USP33: variants seen among roughly 807,000 people sequenced by gnomAD.
USP33 encodes the protein ubiquitin specific peptidase 33.
Under a neutral mutation model 124.2 loss-of-function variants are expected in USP33, and 46 were observed. That is an observed-to-expected ratio of 0.37 (90% confidence interval 0.29 to 0.47). The LOEUF (loss-of-function observed/expected upper bound fraction) is 0.47. Among genes scored for constraint, USP33 ranks in the 20% least tolerant of loss-of-function variants. The pLI is 0.99. For missense variants in USP33, 851 were observed against 1,070.6 expected (o/e 0.79, Z 2.86); for synonymous variants, 350 against 352.3 (o/e 0.99, Z 0.07).
chr1:77,756,583 A>G (rs1240664011), intron 1 of USP33, among the ~76,000 whole-genome samples: 1 of 152,220 alleles, frequency 6.6e-6, no homozygotes, highest in Non-Finnish European at 1.5e-5. Context: ...GGCAATCTTT[A>G]TCAGTGAGGA....
chr1:77,701,093 C>T (rs540881796), intron 22 of USP33, among the ~76,000 whole-genome samples: 12 of 152,130 alleles, frequency 7.9e-5, no homozygotes, highest in Non-Finnish European at 1.2e-4. Flanking sequence ...TTTAAGCAAC[C>T]TCTTATTCCT....
At chr1:77,717,551 A>C (rs1676064539) in intron 17 of USP33, 2 of 167,586 alleles carry the variant, frequency 1.2e-5, no homozygotes, top group Non-Finnish European at 2.5e-5. Context: ...CAATATTGGA[A>C]ACATCATAGT....
At chr1:77,756,596 G>A (rs1244084588) in intron 1 of USP33, among the ~76,000 whole-genome samples, 1 of 152,156 alleles carries the variant, frequency 6.6e-6, no homozygotes, top group Admixed American at 6.6e-5. Context: ...AGTGAGGATT[G>A]ACTGTAGATG....
At chr1:77,699,718 T>C (rs1673791487) in intron 22 of USP33, among the ~76,000 whole-genome samples, 1 of 152,168 alleles carries the variant, frequency 6.6e-6, no homozygotes, top group African/African-American at 2.4e-5. Flanking sequence ...ACACAATTCA[T>C]TCTATTATAA....
At chr1:77,741,552 A>T in intron 2 of USP33, 65 bp downstream of exon 2, 1 of 1,541,968 alleles carries the variant, frequency 6.5e-7, no homozygotes, top group Admixed American at 2.1e-5. Context: ...ACAGTAATTT[A>T]TGAAAATTAC....
intron 21 of USP33, among the ~76,000 whole-genome samples, chr1:77,707,633 C>T (rs548218780): frequency 6.6e-5 from 10 of 152,278 alleles, no homozygotes; most frequent in Admixed American, 2.0e-4. Context: ...AAATTTAATA[C>T]AGACAAGACT....
Position 77,729,877 on chromosome 1 carries a change from G to A in USP33, c.700C>T (p.Arg234Trp), listed in dbSNP as rs756513586. 16 of 1,613,586 alleles carry A rather than the reference G, an allele frequency of 9.9e-6. No homozygotes were observed. The highest frequency in any genetic ancestry group is 4.5e-5 in the East Asian group (2 of 44,822). The change falls in exon 9 of 24, where the codon CGG becomes TGG. Residue 234 changes from arginine to tryptophan, a missense_variant. This residue lies in a region of USP33 where 221 missense variants were observed against 302.9 expected (regional missense o/e 0.73). Transcript: ENST00000370794. ...QGIKTVNPTFRGYSQQDAQEF... is the reference protein window; with the variant it reads ...QGIKTVNPTFWGYSQQDAQEF... Reference sequence around the variant, plus strand: ...AAACTAACCTGCTGAGAATACCCCCGAAATGTTGGATTTACAGTTTTAATT... The same window carrying A: ...AAACTAACCTGCTGAGAATACCCCCAAAATGTTGGATTTACAGTTTTAATT...
At chr1:77,711,878 A>G in intron 20 of USP33, 23 bp from the exon 21 acceptor site, 2 of 1,582,452 alleles carry the variant, frequency 1.3e-6, no homozygotes, top group South Asian at 1.2e-5. Context: ...AAATTTAAGA[A>G]TTAATGTTCT....
chr1:77,707,234 C>T (rs1444919923), intron 21 of USP33, among the ~76,000 whole-genome samples: 2 of 152,166 alleles, frequency 1.3e-5, no homozygotes, highest in East Asian at 1.9e-4. Flanking sequence ...GAGAACAGAA[C>T]TCCAAAATCA....
intron 1 of USP33, among the ~76,000 whole-genome samples, chr1:77,744,447 T>TAC (rs1239154782): frequency 6.6e-6 from 1 of 152,182 alleles, no homozygotes; most frequent in African/African-American, 2.4e-5. Flanking sequence ...ACTAGAGCCC[T>TAC]ACAGATCCAC....
intron 18 of USP33, among the ~76,000 whole-genome samples, chr1:77,715,244 T>C (rs1449264550): frequency 2.6e-5 from 4 of 152,220 alleles, no homozygotes; most frequent in Non-Finnish European, 5.9e-5. Flanking sequence ...TCTCACTCTG[T>C]TGCCGAGGCT....
Position 77,739,397 on chromosome 1 carries a change from A to T in USP33, c.219T>A (p.Thr73=), listed in dbSNP as rs762817880. The T allele has an allele frequency of 1.2e-6, 2 of 1,610,180 alleles. No individual in the cohort carries two copies. Among genetic ancestry groups the T allele is most frequent in the South Asian group, 2.2e-5 (2 of 89,980 alleles). ...ATACTCGAAGAGTGGTAAGGTTCAC[A>T]GTTAGATAATGCTTTGTCTCCTATA... The part of the protein sequence containing the change: ...IHSQETKHYL[T]VNLTTLRVWC... The change falls in exon 5 of 24, where the codon ACT becomes ACA. Residue 73 remains threonine, a synonymous_variant. Transcript: ENST00000370794.
At chr1:77,712,663 C>G (rs1675396986) in intron 20 of USP33, among the ~76,000 whole-genome samples, 1 of 151,904 alleles carries the variant, frequency 6.6e-6, no homozygotes, top group Non-Finnish European at 1.5e-5. Context: ...CAAGATCAGC[C>G]CAGGCAACAT....
At chr1:77,750,663 A>AGAAG (rs1553201894) in intron 1 of USP33, among the ~76,000 whole-genome samples, 1 of 150,166 alleles carries the variant, frequency 6.7e-6, no homozygotes, top group South Asian at 2.1e-4. Context: ...AAAGAAAGAA[A>AGAAG]GAAAGAAAGA....
At chr1:77,706,315 T>A (rs1408528644) in intron 21 of USP33, among the ~76,000 whole-genome samples, 1 of 152,210 alleles carries the variant, frequency 6.6e-6, no homozygotes, top group Non-Finnish European at 1.5e-5. Context: ...GTACTTTTTA[T>A]GTGCTTATTA....
In USP33 at chr1:77,723,438, A is replaced by G; in HGVS notation, c.1282T>C (p.Ser428Pro). 2 of 1,604,492 alleles carry G rather than the reference A, an allele frequency of 1.2e-6. No individual in the cohort carries two copies. The highest frequency in any genetic ancestry group is 2.2e-5 in the East Asian group (1 of 44,786). The change falls in exon 12 of 24, where the codon TCT becomes CCT. Residue 428 changes from serine to proline, a missense_variant. Ser to Pro is a moderately conservative substitution (Grantham distance 74, BLOSUM62 -1). Transcript: ENST00000370794. ...GLAPPHKKAQ[S>P]ASPKRKKQHK... ...TGTTTTTTTCTCTTTGGAGATGCAG[A>G]CTGAGCTAGGATTGAAAAACATTAA...
chr1:77,697,736 G>T, intron 23 of USP33, 127 bp downstream of exon 23: 1 of 1,047,802 alleles, frequency 9.5e-7, no homozygotes, highest in Non-Finnish European at 1.4e-6. Flanking sequence ...TTCATTACTT[G>T]CCCTAGTTAA....
At chr1:77,711,107 C>T (rs1675198540) in intron 21 of USP33, among the ~76,000 whole-genome samples, 1 of 151,742 alleles carries the variant, frequency 6.6e-6, no homozygotes, top group Admixed American at 6.6e-5. Context: ...CAAAGTAGTA[C>T]ATGCAGTCTG....
Position 77,697,908 on chromosome 1 carries a change from T to A in USP33, c.2533A>T (p.Thr845Ser). The A allele has an allele frequency of 6.2e-7, 1 of 1,610,352 alleles. No individual in the cohort carries two copies. Among genetic ancestry groups the A allele is most frequent in the Non-Finnish European group, 8.5e-7 (1 of 1,178,978 alleles). ...DGDPPGPIDNTKIAVTKCGNV... is the reference protein window; with the variant it reads ...DGDPPGPIDNSKIAVTKCGNV... ...CCACATTTAGTGACTGCAATCTTAG[T>A]ATTGTCAATAGGACCTGGAGGATCT... Residue 845 changes from threonine to serine, a missense_variant, in exon 23 of 24, where the codon ACT becomes TCT. Thr to Ser is a moderately conservative substitution (Grantham distance 58). Around this residue, in one of 4 missense-constraint regions of USP33, gnomAD observed 142 missense variants for 141.8 expected, o/e 1.00. Coordinates refer to ENST00000370794, the MANE Select transcript of USP33 (RefSeq NM_201624.3).
Sources: gnomAD v4.1 joint callset for allele counts (sites outside exome capture counted in the v4.1 genomes callset) on GRCh38, gnomAD v4.1.1 for gene constraint, gnomAD v4.1.1 regional missense constraint, MANE v1.5 for transcripts, NCBI Gene and HGNC (gene_info 2026-07-23, HGNC 2026-07-21) for gene names.